TLN2: variants seen among roughly 807,000 people sequenced by gnomAD.
The protein encoded by TLN2 is talin 2, also known as talin-2.
TLN2 carries 118 observed loss-of-function variants against 294.7 expected under a neutral mutation model. The observed-to-expected ratio is 0.40, with a 90% CI of 0.34 to 0.47. The LOEUF (loss-of-function observed/expected upper bound fraction) is 0.47, where lower values mean the gene tolerates loss of function less well. Ranked by LOEUF, TLN2 falls within the 20% of genes least tolerant of loss-of-function variation. The pLI, the probability that TLN2 is intolerant of heterozygous loss-of-function variation, is 0.84. For synonymous variants in TLN2, 1,431 were observed against 1,304.5 expected (o/e 1.10, Z -2.09); for missense variants, 3,083 against 3,282.2 (o/e 0.94, Z 1.48).
At chr15:62,737,825 G>A (rs1054301336) in intron 29 of TLN2, among the ~76,000 whole-genome samples, 2 of 152,182 alleles carry the variant, frequency 1.3e-5, no homozygotes, top group Admixed American at 1.3e-4. Flanking sequence ...TTCCACCTCG[G>A]CGACCTCAGC....
intron 1 of TLN2, among the ~76,000 whole-genome samples, chr15:62,470,335 C>G (rs1336824069): frequency 6.6e-6 from 1 of 152,236 alleles, no homozygotes; most frequent in South Asian, 2.1e-4. Context: ...GGGGCTGAAA[C>G]TCTTCAGTGA....
At chr15:62,531,777 T>C (rs562041730) in intron 1 of TLN2, among the ~76,000 whole-genome samples, 59 of 152,344 alleles carry the variant, frequency 3.9e-4, no homozygotes, top group African/African-American at 1.3e-3. Context: ...CCTTCCCCAC[T>C]GAACCTGAAA....
chr15:62,604,718 T>A (rs1472439569), intron 2 of TLN2, among the ~76,000 whole-genome samples: 1 of 149,322 alleles, frequency 6.7e-6, no homozygotes, highest in East Asian at 2.0e-4. Flanking sequence ...TTTAATTATT[T>A]GAGATTATGG....
intron 1 of TLN2, among the ~76,000 whole-genome samples, chr15:62,483,206 C>T (rs779561632): frequency 2.0e-5 from 3 of 152,202 alleles, no homozygotes; most frequent in Admixed American, 6.5e-5. Flanking sequence ...GGCAGAGTCA[C>T]AGCCCTTCTC....
Position 62,707,207 on chromosome 15 carries a change from C to A in TLN2, c.2126C>A (p.Ala709Asp), listed in dbSNP as rs1385709262. The change falls in exon 20 of 59, where the codon GCC (alanine) becomes GAC (aspartate). Residue 709 changes from alanine (A) to aspartate (D), a missense_variant. By Grantham distance (126) the Ala-to-Asp change is moderately radical. Transcript: ENST00000636159. The stretch of plus-strand genomic sequence containing the variant: ...CTACAGAACAGGGTAATTGCTGCTG[C>A]CACCCAGTGTGCCCTCTCCACCTCC... ...TVLQNRVIAA[A>D]TQCALSTSQL... The A allele has an allele frequency of 6.2e-7, 1 of 1,613,910 alleles. No homozygotes were observed. Among genetic ancestry groups the A allele is most frequent in the Admixed American group, 1.7e-5 (1 of 60,012 alleles).
rs923242608 is a variant in TLN2, at chr15:62,843,126, A to G, written c.*2516A>G. On this transcript the variant is annotated 3_prime_UTR_variant, in exon 59 of 59. Coordinates refer to ENST00000636159, the MANE Select transcript of TLN2 (RefSeq NM_015059.3). The stretch of plus-strand genomic sequence containing the variant: ...CCTAATAAGAGAGTGGTGTCAGAGT[A>G]AAAACGGCCCCAGGTCTGGAGCATA... 2 of 152,214 alleles carry G rather than the reference A, an allele frequency of 1.3e-5. No homozygotes were observed. Among genetic ancestry groups the G allele is most frequent in the Admixed American group, 6.5e-5 (1 of 15,282 alleles). The allele number at this position is 152,214 out of a possible 1,614,324, so 9.4% of individuals were successfully genotyped here.
At chr15:62,408,433 G>A (rs929753172) in intron 1 of TLN2, among the ~76,000 whole-genome samples, 5 of 152,154 alleles carry the variant, frequency 3.3e-5, no homozygotes, top group Admixed American at 2.6e-4. Flanking sequence ...TGAGCTGCTG[G>A]TCAGAGGACC....
intron 1 of TLN2, among the ~76,000 whole-genome samples, chr15:62,542,309 A>G (rs1317896623): frequency 6.6e-6 from 1 of 152,062 alleles, no homozygotes; most frequent in Non-Finnish European, 1.5e-5. Context: ...CTCCTGCCTC[A>G]GCCTCCAGAG....
At chr15:62,487,201 C>T (rs1344813204) in intron 1 of TLN2, among the ~76,000 whole-genome samples, 1 of 152,172 alleles carries the variant, frequency 6.6e-6, no homozygotes, top group Non-Finnish European at 1.5e-5. Context: ...AATCTCTTCT[C>T]TTCTGTCGTT....
intron 3 of TLN2, among the ~76,000 whole-genome samples, chr15:62,639,715 G>T (rs2050787707): frequency 6.6e-6 from 1 of 152,190 alleles, no homozygotes; most frequent in Non-Finnish European, 1.5e-5. Flanking sequence ...GCTCTCAAGT[G>T]TAGATACCGA....
intron 1 of TLN2, among the ~76,000 whole-genome samples, chr15:62,426,988 G>C (rs1319021323): frequency 1.3e-5 from 2 of 152,184 alleles, no homozygotes. Context: ...TTAAGCAAAA[G>C]GTAGAGAAGC....
chr15:62,821,686 T>A (rs1043476812), intron 54 of TLN2, among the ~76,000 whole-genome samples: 4 of 152,186 alleles, frequency 2.6e-5, no homozygotes, highest in African/African-American at 9.7e-5. Context: ...CTCATCAAGA[T>A]GTAACTTAAG....
chr15:62,420,027 C>T (rs1041575486), intron 1 of TLN2, among the ~76,000 whole-genome samples: 1 of 152,156 alleles, frequency 6.6e-6, no homozygotes. Flanking sequence ...CCTGTTGATC[C>T]CACTTTGCTT....
At chr15:62,484,092 C>T (rs1330188435) in intron 1 of TLN2, among the ~76,000 whole-genome samples, 1 of 152,076 alleles carries the variant, frequency 6.6e-6, no homozygotes, top group Non-Finnish European at 1.5e-5. Context: ...TGCAGTGCTG[C>T]GGGATGACTG....
chr15:62,813,896 C>T (rs1270238612), intron 52 of TLN2, among the ~76,000 whole-genome samples: 1 of 151,758 alleles, frequency 6.6e-6, no homozygotes, highest in Admixed American at 6.6e-5. Flanking sequence ...CTCACTGTAA[C>T]CTCCGCCTCC....
At chr15:62,390,762 C>T (rs1429514103) in intron 1 of TLN2, 77 bp downstream of exon 1, 2 of 152,232 alleles carry the variant, frequency 1.3e-5, no homozygotes, top group African/African-American at 2.4e-5. Flanking sequence ...GTGTCTTTTC[C>T]CTCCCCTCTC....
intron 1 of TLN2, among the ~76,000 whole-genome samples, chr15:62,412,446 G>A (rs566411644): frequency 6.6e-6 from 1 of 152,306 alleles, no homozygotes; most frequent in Non-Finnish European, 1.5e-5. Flanking sequence ...GGTGCTAGCT[G>A]TCCTTCTGTT....
chr15:62,831,920 C>T (rs1488928923), intron 54 of TLN2: 2 of 152,138 alleles, frequency 1.3e-5, no homozygotes, highest in African/African-American at 2.4e-5. Flanking sequence ...TGGCACAAAC[C>T]GTTTCTCACT....
At chr15:62,770,745 CT>C (rs113136488) in intron 41 of TLN2, among the ~76,000 whole-genome samples, 26,923 of 152,080 alleles carry the variant, frequency 0.18, 2,435 homozygotes, top group East Asian at 0.23. Flanking sequence ...CTTAGCACCT[CT>C]GCCATATTTA....
Sources: gnomAD v4.1 joint callset for allele counts (sites outside exome capture counted in the v4.1 genomes callset) on GRCh38, gnomAD v4.1.1 for gene constraint, MANE v1.5 for transcripts, NCBI Gene and HGNC (gene_info 2026-07-23, HGNC 2026-07-21) for gene names.